ARHGEF3: variants seen among roughly 807,000 people sequenced by gnomAD.
ARHGEF3 encodes the protein Rho guanine nucleotide exchange factor 3, also known as 59.8 kDA protein.
A neutral mutation model predicts 63.2 loss-of-function variants in ARHGEF3; 28 were observed. The ratio of observed to expected loss-of-function variants is 0.44; its 90% CI spans 0.33 to 0.61. The LOEUF (loss-of-function observed/expected upper bound fraction) is 0.61. Among genes scored for constraint, ARHGEF3 ranks in the 20% least tolerant of loss-of-function variants. The pLI is 0.03. For missense variants in ARHGEF3, 533 were observed against 659.3 expected (o/e 0.81, Z 2.10); for synonymous variants, 266 against 254.2 (o/e 1.05, Z -0.44).
rs151236389 is a variant in ARHGEF3, at chr3:56,807,533, A to G, written c.193-33717T>C. On this transcript the variant is annotated intron_variant, in intron 4 of 12. Coordinates refer to the ARHGEF3 transcript ENST00000338458. ...TCTTCTACCTGCTAAAGTGGCATGG[A>G]TGTGTAGGTATATGGTGGGCACATG... 6.0e-3 allele frequency among the ~76,000 whole-genome samples: 913 copies of G among 152,258 alleles called. 1 individual carries two copies. The highest frequency in any genetic ancestry group is 0.01 in the Middle Eastern group (3 of 294).
At chr3:56,849,218 C>G (rs1342625454) in intron 4 of ARHGEF3, among the ~76,000 whole-genome samples, 1 of 152,170 alleles carries the variant, frequency 6.6e-6, no homozygotes, top group Non-Finnish European at 1.5e-5. Context: ...CCTGTACCTA[C>G]AGAATTAGAA....
chr3:56,857,242 C>T (rs1049050942), intron 4 of ARHGEF3, among the ~76,000 whole-genome samples: 1 of 152,248 alleles, frequency 6.6e-6, no homozygotes, highest in East Asian at 1.9e-4. Context: ...GCCTTCCTAA[C>T]GTTGATTTCC....
At chr3:56,796,869 T>C (rs189318829) in intron 1 of ARHGEF3, among the ~76,000 whole-genome samples, 4 of 152,302 alleles carry the variant, frequency 2.6e-5, no homozygotes, top group Admixed American at 2.0e-4. Flanking sequence ...ACCAACCTCA[T>C]AGGATTACTG....
upstream of ARHGEF3, among the ~76,000 whole-genome samples, chr3:56,803,488 A>G (rs2037750201): frequency 8.6e-6 from 1 of 115,696 alleles, no homozygotes; most frequent in Non-Finnish European, 1.7e-5. Context: ...AGAAAGGAAA[A>G]AGAAAAGAAA....
intron 3 of ARHGEF3, among the ~76,000 whole-genome samples, chr3:56,918,055 G>A (rs965621209): frequency 6.6e-6 from 1 of 152,214 alleles, no homozygotes; most frequent in African/African-American, 2.4e-5. Flanking sequence ...TGGTTAAGTG[G>A]TGGCTGGTGG....
intron 4 of ARHGEF3, among the ~76,000 whole-genome samples, chr3:56,831,171 G>A (rs1285505660): frequency 6.6e-6 from 1 of 152,194 alleles, no homozygotes; most frequent in Non-Finnish European, 1.5e-5. Context: ...CTCTTCTCAA[G>A]AACACTTTTA....
At chr3:56,949,147 C>T (rs1195931114) in intron 3 of ARHGEF3, among the ~76,000 whole-genome samples, 1 of 151,776 alleles carries the variant, frequency 6.6e-6, no homozygotes, top group Non-Finnish European at 1.5e-5. Context: ...TAAGAGCTAT[C>T]TATGACAAAC....
intron 3 of ARHGEF3, among the ~76,000 whole-genome samples, chr3:56,918,654 G>C (rs1425471848): frequency 6.6e-6 from 1 of 152,188 alleles, no homozygotes; most frequent in African/African-American, 2.4e-5. Flanking sequence ...AGAACTCCCG[G>C]ATTGAAATGG....
chr3:56,855,632 G>A (rs1173828166), intron 4 of ARHGEF3, among the ~76,000 whole-genome samples: 6 of 150,892 alleles, frequency 4.0e-5, no homozygotes, highest in South Asian at 4.2e-4. Context: ...GCAATGAGCC[G>A]AGATTACGCC....
chr3:57,004,736 C>T (rs950451579), intron 2 of ARHGEF3, among the ~76,000 whole-genome samples: 3 of 152,152 alleles, frequency 2.0e-5, no homozygotes, highest in African/African-American at 4.8e-5. Context: ...AAGGCTGAGG[C>T]GGGAGGATTG....
intron 4 of ARHGEF3, among the ~76,000 whole-genome samples, chr3:56,857,815 C>A (rs867176550): frequency 6.6e-6 from 1 of 152,146 alleles, no homozygotes; most frequent in African/African-American, 2.4e-5. Context: ...TTCACAGGCA[C>A]AATCGTAGCA....
chr3:56,954,690 A>G (rs1172702358), intron 3 of ARHGEF3, among the ~76,000 whole-genome samples: 1 of 152,134 alleles, frequency 6.6e-6, no homozygotes, highest in East Asian at 1.9e-4. Flanking sequence ...GTCTCCTTAG[A>G]CAAGCATGGG....
At chr3:56,895,467 TA>T (rs201555943) in intron 3 of ARHGEF3, among the ~76,000 whole-genome samples, 44,645 of 132,136 alleles carry the variant, frequency 0.34, 6,895 homozygotes, top group Middle Eastern at 0.36. Flanking sequence ...TTTATTTATT[TA>T]TTTATTTTTT....
rs114087607 is a variant in ARHGEF3 at position 56,826,744 on chromosome 3, C to T, written c.193-52928G>A. Among the ~76,000 whole-genome samples the T allele has an allele frequency of 5.4e-3, 827 of 152,234 alleles. 6 individuals carry two copies. The highest frequency in any genetic ancestry group is 0.01 in the Middle Eastern group (3 of 294). On this transcript the variant is annotated intron_variant, in intron 4 of 12. Coordinates refer to the ARHGEF3 transcript ENST00000338458. ...CAGCTCAGCAGATGGAAAACCCCTA[C>T]CAAAGTATCAGACTAAAGGTCTTCT...
intron 3 of ARHGEF3, among the ~76,000 whole-genome samples, chr3:56,932,316 T>C (rs1379992115): frequency 6.6e-6 from 1 of 152,178 alleles, no homozygotes; most frequent in Admixed American, 6.5e-5. Flanking sequence ...ATGTATAACC[T>C]CACTTCCCAA....
At chr3:56,813,068 G>C (rs568146824) in intron 4 of ARHGEF3, among the ~76,000 whole-genome samples, 1 of 152,342 alleles carries the variant, frequency 6.6e-6, no homozygotes, top group East Asian at 1.9e-4. Flanking sequence ...TAGGTACAAG[G>C]ATTGCTCTGG....
In ARHGEF3 at chr3:56,728,939, A is replaced by G. The variant is rs3772224; in HGVS notation, c.*331T>C. On this transcript the variant is annotated 3_prime_UTR_variant, in exon 10 of 10. Transcript: ENST00000296315. ...GAAGCACAAGAGGAAGGACTCTTCA[A>G]ACAATCTATGTAAAACAGTAGTTTT... 0.18 allele frequency: 40,436 copies of G among 225,064 alleles called. 4,158 individuals carry two copies. The highest frequency in any genetic ancestry group is 0.36 in the South Asian group (4,222 of 11,770). 13.9% of individuals were successfully genotyped at this position (225,064 alleles called of 1,614,324 possible).
At chr3:56,748,249 C>G (rs1307078389) in intron 6 of ARHGEF3, among the ~76,000 whole-genome samples, 1 of 152,138 alleles carries the variant, frequency 6.6e-6, no homozygotes, top group Non-Finnish European at 1.5e-5. Flanking sequence ...AGGCTGGTCT[C>G]CAACTCCTGG....
intron 1 of ARHGEF3, among the ~76,000 whole-genome samples, chr3:57,057,160 GGGGT>G (rs1381981978): frequency 2.0e-5 from 3 of 152,112 alleles, no homozygotes; most frequent in Non-Finnish European, 4.4e-5. Flanking sequence ...TGCTCAGGCT[GGGGT>G]GCAGCAGCAT....
Sources: allele counts gnomAD v4.1 joint callset (sites outside exome capture counted in the v4.1 genomes callset), GRCh38; gene constraint gnomAD v4.1.1; transcripts MANE v1.5; gene names NCBI Gene and HGNC (gene_info 2026-07-23, HGNC 2026-07-21).